GNG4: variants seen among roughly 807,000 people sequenced by gnomAD.
GNG4 encodes the protein G protein subunit gamma 4, also known as guanine nucleotide-binding protein G(I)/G(S)/G(O) subunit gamma-4.
In GNG4, 4 loss-of-function variants were observed where a neutral mutation model predicts 5.8. The ratio of observed to expected loss-of-function variants is 0.69; its 90% confidence interval spans 0.34 to 1.57. The LOEUF is 1.57. GNG4 is among the 40% of genes most tolerant of loss of function. The pLI is 0.06. For missense variants in GNG4, 96 were observed against 95.1 expected (o/e 1.01, Z -0.04); for synonymous variants, 29 against 32.9 (o/e 0.88, Z 0.41).
At chr1:235,629,903 T>C (rs1376741801) in intron 1 of GNG4, among the ~76,000 whole-genome samples, 3 of 152,222 alleles carry the variant, frequency 2.0e-5, no homozygotes, top group Non-Finnish European at 4.4e-5. Flanking sequence ...AAAGCTTTCT[T>C]GAGCTGGGCA....
chr1:235,557,260 G>A (rs1686940678), intron 3 of GNG4, among the ~76,000 whole-genome samples: 1 of 151,736 alleles, frequency 6.6e-6, no homozygotes, highest in South Asian at 2.1e-4. Context: ...AATGAGACCC[G>A]TAATTCTCAA....
chr1:235,633,861 A>G (rs919695097), intron 1 of GNG4, among the ~76,000 whole-genome samples: 4 of 152,222 alleles, frequency 2.6e-5, no homozygotes, highest in African/African-American at 7.2e-5. Flanking sequence ...TCCAACCAGG[A>G]TAAGGCCATA....
intron 1 of GNG4, among the ~76,000 whole-genome samples, chr1:235,637,477 AC>A (rs1338889133): frequency 6.6e-6 from 1 of 151,206 alleles, no homozygotes; most frequent in African/African-American, 2.4e-5. Context: ...ACATGGCGAA[AC>A]CCCTTCTCTA....
intron 2 of GNG4, among the ~76,000 whole-genome samples, chr1:235,590,611 C>T (rs1312219143): frequency 6.6e-6 from 1 of 152,166 alleles, no homozygotes; most frequent in East Asian, 1.9e-4. Flanking sequence ...CTCGGCTCAC[C>T]CTGATTCTGT....
intron 1 of GNG4, among the ~76,000 whole-genome samples, chr1:235,607,937 ATTTT>A (rs140271145): frequency 2.3e-5 from 3 of 132,746 alleles, no homozygotes; most frequent in East Asian, 2.2e-4. Context: ...TGCTGTTTCT[ATTTT>A]TTTTTTTTTT....
chr1:235,594,649 C>A (rs1340008873), intron 2 of GNG4, among the ~76,000 whole-genome samples: 3 of 152,184 alleles, frequency 2.0e-5, no homozygotes, highest in African/African-American at 7.2e-5. Context: ...CCCCTCACTG[C>A]CCGGGGCTTG....
chr1:235,604,869 G>C (rs1431996842), intron 1 of GNG4, among the ~76,000 whole-genome samples: 2 of 152,130 alleles, frequency 1.3e-5, no homozygotes, highest in South Asian at 2.1e-4. Context: ...TGTTGTTGTT[G>C]TTCTTTGTAA....
At position 235,649,084 on chromosome 1, in the gene GNG4, G is replaced by A. The variant is rs747542260; in HGVS notation, c.-123+578C>T. Among the ~76,000 whole-genome samples, 1 of 152,138 alleles carries A rather than the reference G, an allele frequency of 6.6e-6. No homozygotes were observed. The highest frequency in any genetic ancestry group is 1.5e-5 in the Non-Finnish European group (1 of 68,026). ...ACATTTCAGTTCAGCACCAGCCTCG[G>A]GGACAGACGCCATCAAGGAGGTGAG... is the stretch of plus-strand genomic sequence containing the variant. On this transcript the variant is annotated intron_variant, in intron 1 of 3. Coordinates refer to ENST00000391854, the MANE Select transcript of GNG4 (RefSeq NM_001098722.2). The surrounding 1 kb of genome is among the most constrained non-coding windows in gnomAD (Gnocchi z 5.7).
chr1:235,634,056 G>T (rs1172489725), intron 1 of GNG4, among the ~76,000 whole-genome samples: 1 of 152,216 alleles, frequency 6.6e-6, no homozygotes, highest in African/African-American at 2.4e-5. Context: ...GGTCCTACAG[G>T]ATGGCACAGT....
chr1:235,593,734 G>A (rs558186256), intron 2 of GNG4, among the ~76,000 whole-genome samples: 213 of 152,260 alleles, frequency 1.4e-3, no homozygotes, highest in African/African-American at 4.9e-3. Context: ...GAGTGTTACA[G>A]CTCTTAAGGC....
At chr1:235,613,124 T>A in intron 1 of GNG4, among the ~76,000 whole-genome samples, 1 of 150,354 alleles carries the variant, frequency 6.7e-6, no homozygotes, top group Non-Finnish European at 1.5e-5. Context: ...GGTGGGGGGG[T>A]CACAAACATT....
rs79240736 is a variant in GNG4, at chr1:235,646,591, G to A, written c.-123+3071C>T. Among the ~76,000 whole-genome samples the A allele has an allele frequency of 6.0e-4, 92 of 152,132 alleles. No homozygotes were observed. In the East Asian group the frequency reaches 0.017, roughly 27 times the overall value. On this transcript the variant is annotated intron_variant, in intron 1 of 3. Coordinates refer to ENST00000391854, the MANE Select transcript of GNG4 (RefSeq NM_001098722.2). ...GCCTTTGGTGACCCACAAACCTCAC[G>A]GCCATGGAGACGAACAGTTCCTCCA...
intron 2 of GNG4, among the ~76,000 whole-genome samples, chr1:235,587,172 A>T (rs1352901065): frequency 6.2e-5 from 7 of 112,404 alleles, no homozygotes; most frequent in Non-Finnish European, 1.1e-4. Context: ...AGCGTGTGAG[A>T]GTGTGTGGGG....
Position 235,549,307 on chromosome 1 carries a change from A to G in GNG4, c.*2802T>C, listed in dbSNP as rs1419687327. 2 of 152,386 alleles carry G rather than the reference A, an allele frequency of 1.3e-5. No individual in the cohort carries two copies. Among genetic ancestry groups the G allele is most frequent in the African/African-American group, 4.8e-5 (2 of 41,426 alleles). The allele number at this position is 152,386 out of a possible 1,614,324, so 9.4% of individuals were successfully genotyped here. A position where few individuals can be genotyped will look rare whatever the true frequency, so the allele number is the denominator to read the frequency against. On this transcript the variant is annotated 3_prime_UTR_variant, in exon 4 of 4. Coordinates refer to ENST00000391854, the MANE Select transcript of GNG4 (RefSeq NM_001098722.2). ...GGAAGAGGTGCAGTAAAAGGACAGA[A>G]AAGCATCTCACAGGGGAAGGTAAGG...
intron 3 of GNG4, among the ~76,000 whole-genome samples, chr1:235,573,253 C>T (rs903590239): frequency 1.4e-5 from 2 of 147,740 alleles, no homozygotes; most frequent in African/African-American, 5.0e-5. Flanking sequence ...CGCATGTTCT[C>T]ACTCATAGGT....
intron 3 of GNG4, among the ~76,000 whole-genome samples, chr1:235,566,369 C>A (rs959132468): frequency 2.6e-5 from 4 of 152,132 alleles, no homozygotes; most frequent in African/African-American, 7.2e-5. Context: ...GGAGCGTGAA[C>A]CCTATTGTCA....
chr1:235,636,147 A>G (rs565514384), intron 1 of GNG4, among the ~76,000 whole-genome samples: 1 of 152,242 alleles, frequency 6.6e-6, no homozygotes, highest in African/African-American at 2.4e-5. Context: ...CCTGAGAGAC[A>G]GGGCTGGGCT....
chr1:235,579,328 T>C (rs1687565086), intron 3 of GNG4, among the ~76,000 whole-genome samples: 1 of 151,818 alleles, frequency 6.6e-6, no homozygotes, highest in South Asian at 2.1e-4. Context: ...TTGTACACCA[T>C]AAATATACAC....
intron 3 of GNG4, among the ~76,000 whole-genome samples, chr1:235,561,298 C>T (rs377516148): frequency 3.3e-5 from 5 of 152,136 alleles, no homozygotes; most frequent in South Asian, 2.1e-4. Flanking sequence ...TGTGAGCCAC[C>T]GCGCCCGGCC....
Sources: gnomAD v4.1 joint callset for allele counts (sites outside exome capture counted in the v4.1 genomes callset) on GRCh38, gnomAD v4.1.1 for gene constraint, Gnocchi (gnomAD v3.1) non-coding constraint, MANE v1.5 for transcripts, NCBI Gene and HGNC (gene_info 2026-07-23, HGNC 2026-07-21) for gene names.